Variants in CPT1C observed in about 807,000 individuals in gnomAD.
CPT1C encodes the protein carnitine palmitoyltransferase 1C, also known as palmitoyl thioesterase CPT1C.
A neutral mutation model predicts 97.3 loss-of-function variants in CPT1C; 61 were observed. The observed-to-expected ratio is 0.63, with a 90% CI of 0.51 to 0.78. The LOEUF (loss-of-function observed/expected upper bound fraction) is 0.78, where lower values mean the gene tolerates loss of function less well. CPT1C is among the 30% of genes least tolerant of loss of function. The pLI, the probability that CPT1C is intolerant of heterozygous loss-of-function variation, is 0.00. For missense variants in CPT1C, 975 were observed against 1,065.5 expected (o/e 0.92, Z 1.18); for synonymous variants, 469 against 447.2 (o/e 1.05, Z -0.61).
chr19:49,701,899 A>AAT (rs1182259566), intron 7 of CPT1C, among the ~76,000 whole-genome samples: 2 of 105,108 alleles, frequency 1.9e-5, no homozygotes, highest in Non-Finnish European at 1.9e-5. Context: ...TTTATTTATA[A>AAT]ATATATATAT....
At chr19:49,702,114 TTATTTATTTATAAATTATAAATAAATATA>T (rs1228248540) in intron 7 of CPT1C, among the ~76,000 whole-genome samples, 441 of 12,120 alleles carry the variant, frequency 0.036, 63 homozygotes, top group Non-Finnish European at 0.052. Flanking sequence ...AAATATATAT[TTATTTATTTATAAATTATAAATAAATATA>T]TATTTATTTA....
At chr19:49,700,257 C>CA (rs1328292002) in intron 4 of CPT1C, among the ~76,000 whole-genome samples, 19 of 108,214 alleles carry the variant, frequency 1.8e-4, no homozygotes, top group East Asian at 6.5e-4. Flanking sequence ...AAAAACAAAA[C>CA]AAAACAAAAA....
In CPT1C at chr19:49,700,780, G is replaced by T. The variant is rs766456220; in HGVS notation, c.378G>T (p.Leu126=). The change falls in exon 5 of 20, where the codon CTG becomes CTT. Residue 126 remains leucine, a synonymous_variant. Coordinates refer to ENST00000598293, the MANE Select transcript of CPT1C (RefSeq NM_001199753.2). ...TGATCTTCACACTGCACGTGGCCCT[G>T]AGGCTGCTTCTGTCCTACCACGGCT... ...GALIFTLHVA[L]RLLLSYHGWL... 1 of 1,613,396 alleles carries T rather than the reference G, an allele frequency of 6.2e-7. No homozygotes were observed. Among genetic ancestry groups the T allele is most frequent in the Admixed American group, 1.7e-5 (1 of 60,022 alleles).
intron 8 of CPT1C, 64 bp from the exon 9 acceptor site, chr19:49,704,943 C>A: frequency 6.9e-7 from 1 of 1,452,216 alleles, no homozygotes; most frequent in Non-Finnish European, 9.5e-7. Context: ...GTATTTGGGT[C>A]AGTGGCTCCA....
intron 3 of CPT1C, among the ~76,000 whole-genome samples, chr19:49,692,600 C>T (rs748641585): frequency 6.6e-6 from 1 of 152,194 alleles, no homozygotes; most frequent in Non-Finnish European, 1.5e-5. Context: ...TGCTGAGAAC[C>T]TCTGCTCACT....
rs1345591106 is a variant in CPT1C, at chr19:49,701,369, G to A, written c.506G>A (p.Arg169His). Residue 169 changes from arginine to histidine, a missense_variant, in exon 6 of 20, where the codon CGC (arginine) becomes CAC (histidine). Physicochemically the swap from Arg to His is conservative, Grantham distance 29 (BLOSUM62 0). Coordinates refer to ENST00000598293, the MANE Select transcript of CPT1C (RefSeq NM_001199753.2). ...CACCCGATGCTGTTCAGTTACCAGC[G>A]CTCCCTGCCACGCCAGCCCGTGCCC... Reference protein sequence around the residue: ...GRHPMLFSYQRSLPRQPVPSV... With the variant: ...GRHPMLFSYQHSLPRQPVPSV... 3.1e-6 allele frequency: 5 copies of A among 1,613,410 alleles called. No individual in the cohort carries two copies. The highest frequency in any genetic ancestry group is 2.2e-5 in the South Asian group (2 of 91,036).
At chr19:49,703,401 C>T (rs1177136784) in intron 7 of CPT1C, among the ~76,000 whole-genome samples, 1 of 150,506 alleles carries the variant, frequency 6.6e-6, no homozygotes, top group Non-Finnish European at 1.5e-5. Flanking sequence ...GGGGTTTCAC[C>T]GTGTTAGCCA....
chr19:49,704,918 T>G lies in CPT1C; in HGVS notation c.772-89T>G, dbSNP rs2083415366. On this transcript the variant is annotated intron_variant, in intron 8 of 19. Transcript: ENST00000598293. ...CTGGGATTCATCATTCCACCCTCTT[T>G]TGGGGTCAGGACCTGTATTTGGGTC... is the stretch of plus-strand genomic sequence containing the variant. The G allele has an allele frequency of 3.5e-6, 5 of 1,411,276 alleles. No individual in the cohort carries two copies. The East Asian group carries it at 1.1e-4, about 32-fold the overall frequency. 87.4% of individuals were successfully genotyped at this position (1,411,276 alleles called of 1,614,324 possible). A position where few individuals can be genotyped will look rare whatever the true frequency, so the allele number is the denominator to read the frequency against.
At chr19:49,701,700 C>T (rs964830648) in intron 7 of CPT1C, 66 bp downstream of exon 7, 1 of 1,493,180 alleles carries the variant, frequency 6.7e-7, no homozygotes, top group African/African-American at 1.4e-5. Flanking sequence ...GCCTGCTAAA[C>T]TTGCGAGTTA....
chr19:49,705,470 G>A (rs181509571), intron 10 of CPT1C, among the ~76,000 whole-genome samples, 172 bp downstream of exon 10: 1 of 152,088 alleles, frequency 6.6e-6, no homozygotes, highest in Non-Finnish European at 1.5e-5. Context: ...GATAATAATT[G>A]TACCTAGGGG....
intron 2 of CPT1C, 142 bp downstream of exon 2, chr19:49,692,031 A>C (rs1222115349): frequency 8.1e-6 from 4 of 493,528 alleles, no homozygotes. Context: ...GGGGGCCTGG[A>C]CTCCTGGATC....
In CPT1C at chr19:49,707,602, C is replaced by G. The variant is rs2083577084; in HGVS notation, c.1428C>G (p.Pro476=). The G allele has an allele frequency of 2.5e-6, 4 of 1,612,394 alleles. No individual in the cohort carries two copies. In the South Asian group the frequency reaches 4.4e-5, roughly 18 times the overall value. ...TGGAGCACTCCTGGGCCGACTGCCCCATCTCAGGACACATGTGGGAGGTAG... is the reference window on the plus strand; with the variant it reads ...TGGAGCACTCCTGGGCCGACTGCCCGATCTCAGGACACATGTGGGAGGTAG... ...LSVEHSWADC[P]ISGHMWEFTL... The change falls in exon 13 of 20, where the codon CCC becomes CCG. Residue 476 remains proline, a synonymous_variant. Transcript: ENST00000598293.
chr19:49,702,300 GATCT>G (rs1336412159), intron 7 of CPT1C, among the ~76,000 whole-genome samples: 1 of 149,672 alleles, frequency 6.7e-6, no homozygotes, highest in Admixed American at 6.8e-5. Flanking sequence ...CTTCACCCTT[GATCT>G]TCCAAAGTTT....
At position 49,697,450 on chromosome 19, in the gene CPT1C, A is replaced by G; in HGVS notation, c.266A>G (p.Glu89Gly). ...PSLGLMEKIK[E>G]LLPDWGGQHH... The stretch of plus-strand genomic sequence containing the variant: ...TTAGGACTGATGGAGAAGATCAAAG[A>G]GTTGCTGCCTGACTGGTGAGGTCCC... Residue 89 changes from glutamate (E) to glycine (G), a missense_variant, in exon 4 of 20, where the codon GAG becomes GGG. Around this residue, in one of 3 missense-constraint regions of CPT1C, gnomAD observed 596 missense variants for 603.1 expected, o/e 0.99. Coordinates refer to ENST00000598293, the MANE Select transcript of CPT1C (RefSeq NM_001199753.2). 1.2e-6 allele frequency: 2 copies of G among 1,614,040 alleles called. No homozygotes were observed. Among genetic ancestry groups the G allele is most frequent in the Non-Finnish European group, 1.7e-6 (2 of 1,179,968 alleles).
At position 49,710,182 on chromosome 19, in the gene CPT1C, C is replaced by T. The variant is rs2083768174; in HGVS notation, c.1567-138C>T. ...ATCTTTAGTCTCATCCTTCAATTCT[C>T]TTCTCTTCTTTGTCCCCATTTCCAT... On this transcript the variant is annotated intron_variant, in intron 14 of 19. Transcript: ENST00000598293. The T allele has an allele frequency of 1.9e-5, 16 of 832,594 alleles. No individual in the cohort carries two copies. In the East Asian group the frequency reaches 3.2e-4, roughly 17 times the overall value. The allele number at this position is 832,594 out of a possible 1,614,324, so 51.6% of individuals were successfully genotyped here. A position where few individuals can be genotyped will look rare whatever the true frequency, so the allele number is the denominator to read the frequency against.
At chr19:49,703,167 G>T in intron 7 of CPT1C, among the ~76,000 whole-genome samples, 1 of 120,680 alleles carries the variant, frequency 8.3e-6, no homozygotes, top group Admixed American at 1.0e-4. Flanking sequence ...CTGCCTGCCT[G>T]CCTGCCTTCT....
chr19:49,701,576 T>C lies in CPT1C; in HGVS notation c.635T>C (p.Leu212Pro), dbSNP rs2083061443. ...TAVLAQEFLRLQASLLQWYLR... is the reference protein window; with the variant it reads ...TAVLAQEFLRPQASLLQWYLR... ...GTCCTGGCGCAGGAATTCCTGAGGC[T>C]GCAGGCGTCGCTGCTGCAGTGGTAC... The change falls in exon 7 of 20, where the codon CTG becomes CCG. Residue 212 changes from leucine (L) to proline (P), a missense_variant. Transcript: ENST00000598293. The C allele has an allele frequency of 6.2e-7, 1 of 1,612,526 alleles. No individual in the cohort carries two copies. Among genetic ancestry groups the C allele is most frequent in the Admixed American group, 1.7e-5 (1 of 59,876 alleles).
chr19:49,710,592 A>T (rs1600146206), intron 15 of CPT1C, 108 bp downstream of exon 15: 2 of 1,569,852 alleles, frequency 1.3e-6, no homozygotes, highest in African/African-American at 1.4e-5. Context: ...TGGGTCGGCC[A>T]TCTTGAATTC....
In CPT1C at chr19:49,701,730, C is replaced by A. The variant is rs533195493; in HGVS notation, c.693+96C>A. ...GAGTTATACGCCCTGCCCCACGACACGCCCACAACCCACACGCCCCCAGCC... is the reference window on the plus strand; with the variant it reads ...GAGTTATACGCCCTGCCCCACGACAAGCCCACAACCCACACGCCCCCAGCC... On this transcript the variant is annotated intron_variant, in intron 7 of 19. Transcript: ENST00000598293. 35 of 1,386,940 alleles carry A rather than the reference C, an allele frequency of 2.5e-5. No homozygotes were observed. In the South Asian group the frequency reaches 4.8e-4, roughly 19 times the overall value. The allele number at this position is 1,386,940 out of a possible 1,614,324, so 85.9% of individuals were successfully genotyped here.
Sources: allele counts gnomAD v4.1 joint callset (sites outside exome capture counted in the v4.1 genomes callset), GRCh38; gene constraint gnomAD v4.1.1; regional missense constraint gnomAD v4.1.1; transcripts MANE v1.5; gene names NCBI Gene and HGNC (gene_info 2026-07-23, HGNC 2026-07-21).